Variants in TFPI observed in about 807,000 individuals in gnomAD.
TFPI encodes tissue factor pathway inhibitor, also known as anti-convertin.
TFPI carries 15 observed loss-of-function variants against 34.6 expected under a neutral mutation model. That is an observed-to-expected ratio of 0.43 (90% confidence interval 0.29 to 0.67). TFPI has a LOEUF of 0.67. Ranked by LOEUF, TFPI falls within the 30% of genes least tolerant of loss-of-function variation. TFPI has a pLI of 0.15. For missense variants in TFPI, 301 were observed against 364.0 expected (o/e 0.83, Z 1.41); for synonymous variants, 105 against 120.1 (o/e 0.87, Z 0.82).
intron 7 of TFPI, 134 bp from the exon 8 acceptor site, chr2:187,467,176 C>G: frequency 1.7e-6 from 1 of 582,602 alleles, no homozygotes; most frequent in Non-Finnish European, 2.9e-6. Flanking sequence ...TTAATTTGTC[C>G]ATGTATTCGT....
At chr2:187,518,677 T>C (rs1687169734) in intron 1 of TFPI, 1 of 152,212 alleles carries the variant, frequency 6.6e-6, no homozygotes, top group South Asian at 2.1e-4. Flanking sequence ...TGAATTTGAG[T>C]GTTGGCCTGT....
At chr2:187,528,967 T>C (rs1031168015) in intron 1 of TFPI, among the ~76,000 whole-genome samples, 22 of 152,202 alleles carry the variant, frequency 1.4e-4, no homozygotes, top group African/African-American at 5.3e-4. Context: ...GCAGTAAAGA[T>C]TTGATACAGG....
intron 6 of TFPI, among the ~76,000 whole-genome samples, chr2:187,473,415 GA>G (rs1017901028): frequency 6.6e-6 from 1 of 151,786 alleles, no homozygotes; most frequent in Non-Finnish European, 1.5e-5. Flanking sequence ...GTGGTAAGTT[GA>G]AAAAAAATAC....
intron 2 of TFPI, among the ~76,000 whole-genome samples, chr2:187,501,690 T>G (rs1685862771): frequency 6.6e-6 from 1 of 152,142 alleles, no homozygotes; most frequent in Non-Finnish European, 1.5e-5. Context: ...GGTGGCAAAC[T>G]ACACCTGCAA....
chr2:187,467,971 T>C, intron 6 of TFPI, 39 bp from the exon 7 acceptor site: 1 of 1,486,806 alleles, frequency 6.7e-7, no homozygotes, highest in South Asian at 1.5e-5. Flanking sequence ...CCATATGTGA[T>C]AGTGGATTTC....
At chr2:187,487,784 A>G (rs1693390176) in intron 4 of TFPI, among the ~76,000 whole-genome samples, 1 of 151,494 alleles carries the variant, frequency 6.6e-6, no homozygotes, top group Non-Finnish European at 1.5e-5. Context: ...CTAGATATTT[A>G]TTTTTAAATA....
At chr2:187,531,882 G>A (rs952904608) in intron 1 of TFPI, among the ~76,000 whole-genome samples, 1 of 151,872 alleles carries the variant, frequency 6.6e-6, no homozygotes, top group Non-Finnish European at 1.5e-5. Context: ...AAGGTAGAAA[G>A]GATTGAGAGA....
chr2:187,551,013 G>A (rs747202564), intron 1 of TFPI, among the ~76,000 whole-genome samples: 4 of 152,114 alleles, frequency 2.6e-5, no homozygotes, highest in Non-Finnish European at 4.4e-5. Flanking sequence ...GCACTTGAGG[G>A]TGTGGTATAT....
In TFPI at chr2:187,467,890, C is replaced by A; in HGVS notation, c.671G>T (p.Gly224Val). 1 of 1,607,988 alleles carries A rather than the reference C, an allele frequency of 6.2e-7. No homozygotes were observed. Among genetic ancestry groups the A allele is most frequent in the Non-Finnish European group, 8.5e-7 (1 of 1,177,690 alleles). ...PSWCLTPADR[G>V]LCRANENRFY... is the part of the protein sequence containing the mutation. ...TCTGTTCTCATTGGCACGACACAAT[C>A]CTCTGTCTGCTGGAGTGAGACACCA... The change falls in exon 7 of 8, where the codon GGA becomes GTA. Residue 224 changes from glycine (G) to valine (V), a missense_variant. Gly to Val is a moderately radical substitution (Grantham distance 109, BLOSUM62 -3). Transcript: ENST00000233156.
chr2:187,490,144 CTTAT>C (rs1019947307), intron 3 of TFPI, among the ~76,000 whole-genome samples: 1 of 151,546 alleles, frequency 6.6e-6, no homozygotes, highest in Non-Finnish European at 1.5e-5. Context: ...CTCAAACTGA[CTTAT>C]TTATTTTTGC....
At chr2:187,488,299 C>T (rs1693437189) in intron 4 of TFPI, 38 bp downstream of exon 4, 3 of 1,531,576 alleles carry the variant, frequency 2.0e-6, no homozygotes, top group East Asian at 2.4e-5. Flanking sequence ...AAATGCCTTA[C>T]ATAAATGCTT....
chr2:187,508,611 G>T (rs2106146171), intron 1 of TFPI, among the ~76,000 whole-genome samples: 1 of 152,194 alleles, frequency 6.6e-6, no homozygotes, highest in African/African-American at 2.4e-5. Flanking sequence ...CTCTCTGTTT[G>T]TCTGTTATTG....
At chr2:187,539,931 G>A (rs1688482935) in intron 1 of TFPI, among the ~76,000 whole-genome samples, 3 of 138,694 alleles carry the variant, frequency 2.2e-5, no homozygotes, top group Non-Finnish European at 3.0e-5. Flanking sequence ...ACGGAGCCTC[G>A]CTCTGTCACC....
At chr2:187,537,735 A>T (rs1042335738) in intron 1 of TFPI, among the ~76,000 whole-genome samples, 1 of 152,252 alleles carries the variant, frequency 6.6e-6, no homozygotes, top group Non-Finnish European at 1.5e-5. Flanking sequence ...AAAATTGACA[A>T]ATGGGATCTA....
intron 1 of TFPI, 125 bp from the exon 2 acceptor site, chr2:187,503,895 A>C (rs1032353879): frequency 9.9e-7 from 1 of 1,009,482 alleles, no homozygotes; most frequent in Non-Finnish European, 1.4e-6. Context: ...GTATACACAT[A>C]CATTTCTCTG....
intron 6 of TFPI, among the ~76,000 whole-genome samples, chr2:187,479,472 T>C (rs1692658711): frequency 6.7e-6 from 1 of 148,292 alleles, no homozygotes; most frequent in East Asian, 2.0e-4. Flanking sequence ...ATTTATCTAT[T>C]TGTCTCATGT....
rs8176435 is a variant in TFPI, at chr2:187,499,836, G to T, written c.122-2758C>A. Reference sequence around the variant, plus strand: ...ATGTTATTCATTCCCAAGTTAACATGACTTTAGAACTTTAGAGACAAGTTA... The same window carrying T: ...ATGTTATTCATTCCCAAGTTAACATTACTTTAGAACTTTAGAGACAAGTTA... On this transcript the variant is annotated intron_variant, in intron 2 of 7. Coordinates refer to ENST00000233156, the MANE Select transcript of TFPI (RefSeq NM_006287.6). 4.5e-3 allele frequency among the ~76,000 whole-genome samples: 690 copies of T among 152,162 alleles called. 1 individual carries two copies. Among genetic ancestry groups the T allele is most frequent in the African/African-American group, 9.4e-3 (391 of 41,536 alleles).
At chr2:187,497,120 A>G (rs1304097583) in intron 2 of TFPI, 42 bp from the exon 3 acceptor site, 1 of 1,524,112 alleles carries the variant, frequency 6.6e-7, no homozygotes, top group South Asian at 1.2e-5. Flanking sequence ...AATCTCCATC[A>G]ACACTGTAAT....
At chr2:187,514,483 T>C (rs1023632531) in intron 1 of TFPI, 1 of 152,252 alleles carries the variant, frequency 6.6e-6, no homozygotes, top group African/African-American at 2.4e-5. Context: ...GCTTCCGTCT[T>C]CCAACACTAG....
Sources: allele counts gnomAD v4.1 joint callset (sites outside exome capture counted in the v4.1 genomes callset), GRCh38; gene constraint gnomAD v4.1.1; transcripts MANE v1.5; gene names NCBI Gene and HGNC (gene_info 2026-07-23, HGNC 2026-07-21).